SLAMF7: variants seen among roughly 807,000 people sequenced by gnomAD.
The protein encoded by SLAMF7 is SLAM family member 7.
Under a neutral mutation model 34.1 loss-of-function variants are expected in SLAMF7, and 26 were observed. That is an observed-to-expected ratio of 0.76 (90% CI 0.56 to 1.06). SLAMF7 has a LOEUF of 1.06. Ranked by LOEUF, SLAMF7 falls within the 50% of genes least tolerant of loss-of-function variation. The probability of loss-of-function intolerance (pLI) is 0.00; values close to 1 mark genes in which losing one functional copy is unlikely to be tolerated. For synonymous variants in SLAMF7, 171 were observed against 156.4 expected (o/e 1.09, Z -0.70); for missense variants, 399 against 402.5 (o/e 0.99, Z 0.07).
At chr1:160,747,302 G>A (rs1271580453) in intron 1 of SLAMF7, among the ~76,000 whole-genome samples, 2 of 152,166 alleles carry the variant, frequency 1.3e-5, no homozygotes, top group Non-Finnish European at 2.9e-5. Context: ...GGTGGCTTGA[G>A]TAAGTCATTT....
In SLAMF7 at chr1:160,750,542, G is replaced by T. The variant is rs191501566; in HGVS notation, c.769+119G>T. 13 of 1,212,338 alleles carry T rather than the reference G, an allele frequency of 1.1e-5. No homozygotes were observed. In the African/African-American group the frequency reaches 2.0e-4, roughly 18 times the overall value. 75.1% of individuals were successfully genotyped at this position (1,212,338 alleles called of 1,614,324 possible). A position where few individuals can be genotyped will look rare whatever the true frequency, so the allele number is the denominator to read the frequency against. On this transcript the variant is annotated intron_variant, in intron 4 of 6. Transcript: ENST00000368043. ...CATGAGGTGTTGAAGATGCAGAGAT[G>T]AAGAAGCCACAGTCTCTGCCCTCAA...
chr1:160,743,944 C>T (rs1443183569), intron 1 of SLAMF7, among the ~76,000 whole-genome samples: 1 of 152,228 alleles, frequency 6.6e-6, no homozygotes, highest in African/African-American at 2.4e-5. Context: ...CTGCTTCAGC[C>T]TCCCAAAGTG....
intron 1 of SLAMF7, among the ~76,000 whole-genome samples, chr1:160,745,426 G>A (rs1664047834): frequency 1.3e-5 from 2 of 152,332 alleles, no homozygotes; most frequent in Middle Eastern, 6.8e-3. Context: ...AGTGAAAACA[G>A]TCCAGGTCCC....
chr1:160,750,691 C>T (rs1354183007), intron 4 of SLAMF7: 16 of 340,942 alleles, frequency 4.7e-5, no homozygotes, highest in Admixed American at 1.4e-4. Flanking sequence ...CCCAGAGGGA[C>T]ATCCTGATGT....
At chr1:160,745,024 A>G (rs1664020728) in intron 1 of SLAMF7, among the ~76,000 whole-genome samples, 1 of 152,074 alleles carries the variant, frequency 6.6e-6, no homozygotes, top group Non-Finnish European at 1.5e-5. Flanking sequence ...GATTTAATAA[A>G]AGCTTGAGTA....
intron 3 of SLAMF7, 39 bp from the exon 4 acceptor site, chr1:160,750,265 C>T: frequency 3.7e-6 from 6 of 1,606,760 alleles, no homozygotes; most frequent in Non-Finnish European, 5.1e-6. Flanking sequence ...CCTGAGCTGA[C>T]TTTTCTCCCT....
intron 1 of SLAMF7, among the ~76,000 whole-genome samples, chr1:160,740,543 G>C (rs544748388): frequency 3.3e-4 from 50 of 152,278 alleles, no homozygotes; most frequent in Admixed American, 7.2e-4. Flanking sequence ...CTTCCAGTGG[G>C]CAGGGCAGTG....
In SLAMF7 at chr1:160,754,303, T is replaced by C. The variant is rs1664854368; in HGVS notation, c.*1126T>C. ...CCCATCTCTACTAAAGATACAAAAA[T>C]TTGCTGAGCGTGGTGGTGTGCACCT... On this transcript the variant is annotated 3_prime_UTR_variant, in exon 7 of 7. Transcript: ENST00000368043. 1 of 151,886 alleles carries C rather than the reference T, an allele frequency of 6.6e-6. No individual in the cohort carries two copies. Among genetic ancestry groups the C allele is most frequent in the South Asian group, 2.1e-4 (1 of 4,798 alleles). 9.4% of individuals were successfully genotyped at this position (151,886 alleles called of 1,614,324 possible).
chr1:160,750,157 G>T, intron 3 of SLAMF7, 64 bp downstream of exon 3: 2 of 1,583,386 alleles, frequency 1.3e-6, no homozygotes, highest in Non-Finnish European at 1.7e-6. Flanking sequence ...TCAGCTCCTA[G>T]CCCCCATGGG....
chr1:160,750,911 G>A (rs564532794), intron 4 of SLAMF7: 1 of 234,684 alleles, frequency 4.3e-6, no homozygotes, highest in Non-Finnish European at 8.4e-6. Flanking sequence ...TCCTGGGGAA[G>A]CCTTTCCCTG....
intron 1 of SLAMF7, among the ~76,000 whole-genome samples, chr1:160,742,788 A>G (rs1663849021): frequency 2.6e-5 from 4 of 152,146 alleles, no homozygotes; most frequent in African/African-American, 9.7e-5. Flanking sequence ...TAGGAAAGTC[A>G]CCCCACTTCT....
intron 1 of SLAMF7, among the ~76,000 whole-genome samples, chr1:160,741,772 A>G (rs1236387420): frequency 6.6e-6 from 1 of 152,188 alleles, no homozygotes; most frequent in Non-Finnish European, 1.5e-5. Context: ...CATGGGGCAC[A>G]GTCTGTGAAA....
intron 5 of SLAMF7, chr1:160,751,755 G>T: frequency 4.6e-6 from 1 of 217,880 alleles, no homozygotes; most frequent in Non-Finnish European, 9.0e-6. Flanking sequence ...TAAGGCAGTG[G>T]GTAGAAGAGT....
chr1:160,749,448 CAT>C (rs10584474), intron 2 of SLAMF7, among the ~76,000 whole-genome samples: 36,038 of 152,046 alleles, frequency 0.24, 4,547 homozygotes, highest in Non-Finnish European at 0.3. Context: ...AGTGAACTCT[CAT>C]AGAGAGTAAA....
At chr1:160,751,491 G>C in intron 5 of SLAMF7, 43 bp downstream of exon 5, 1 of 1,499,238 alleles carries the variant, frequency 6.7e-7, no homozygotes, top group Non-Finnish European at 9.3e-7. Flanking sequence ...TCCTGTCTCT[G>C]AGGCTCTCCT....
intron 1 of SLAMF7, among the ~76,000 whole-genome samples, chr1:160,741,086 C>T (rs1448743983): frequency 1.3e-5 from 2 of 152,102 alleles, no homozygotes; most frequent in Non-Finnish European, 2.9e-5. Flanking sequence ...ACTGGAAAGG[C>T]CCGAGAAGAA....
At chr1:160,751,470 C>T (rs1247224722) in intron 5 of SLAMF7, 22 bp downstream of exon 5, 2 of 1,566,156 alleles carry the variant, frequency 1.3e-6, no homozygotes, top group Non-Finnish European at 1.8e-6. Context: ...CTCATCTTTC[C>T]TGAGAACTGA....
intron 1 of SLAMF7, among the ~76,000 whole-genome samples, chr1:160,744,828 G>T (rs1308147959): frequency 5.3e-5 from 8 of 152,130 alleles, no homozygotes; most frequent in Non-Finnish European, 8.8e-5. Flanking sequence ...TGAAGTAAAA[G>T]AACAAATGCA....
Position 160,739,604 on chromosome 1 carries a change from T to C in SLAMF7, c.55+248T>C, listed in dbSNP as rs185840588. ...GGGATGAAGGAGCTGAAAGAAGTGG[T>C]GCTGGGTATCAGAGACCATTTTTCT... On this transcript the variant is annotated intron_variant, in intron 1 of 6. Transcript: ENST00000368043. 1.2e-5 allele frequency: 5 copies of C among 426,128 alleles called. No individual in the cohort carries two copies. The East Asian group carries it at 2.0e-4, about 17-fold the overall frequency. 26.4% of individuals were successfully genotyped at this position (426,128 alleles called of 1,614,324 possible).
Sources: gnomAD v4.1 joint callset for allele counts (sites outside exome capture counted in the v4.1 genomes callset) on GRCh38, gnomAD v4.1.1 for gene constraint, MANE v1.5 for transcripts, NCBI Gene and HGNC (gene_info 2026-07-23, HGNC 2026-07-21) for gene names.